LRFN1: variants seen among roughly 807,000 people sequenced by gnomAD.
LRFN1 encodes the protein leucine rich repeat and fibronectin type III domain containing 1.
LRFN1 carries 20 observed loss-of-function variants against 31.8 expected under a neutral mutation model. The ratio of observed to expected loss-of-function variants is 0.63; its 90% CI spans 0.44 to 0.91. The LOEUF is 0.91. Among genes scored for constraint, LRFN1 ranks in the 40% least tolerant of loss-of-function variants. The probability of loss-of-function intolerance (pLI) is 0.00; values close to 1 mark genes in which losing one functional copy is unlikely to be tolerated. For missense variants in LRFN1, 912 were observed against 1,129.8 expected (o/e 0.81, Z 2.76); for synonymous variants, 514 against 541.3 (o/e 0.95, Z 0.70).
In LRFN1 at chr19:39,314,423, G is replaced by A. The variant is rs760342542; in HGVS notation, c.914C>T (p.Ala305Val). 3.2e-5 allele frequency: 51 copies of A among 1,606,134 alleles called. No individual in the cohort carries two copies. The highest frequency in any genetic ancestry group is 4.1e-5 in the Non-Finnish European group (48 of 1,177,880). The change falls in exon 4 of 5, where the codon GCG (alanine) becomes GTG (valine). Residue 305 changes from alanine (A) to valine (V), a missense_variant. Around this residue, in one of 2 missense-constraint regions of LRFN1, gnomAD observed 401 missense variants for 572.7 expected, o/e 0.70. Coordinates refer to ENST00000248668, the MANE Select transcript of LRFN1 (RefSeq NM_020862.2). ...TTCCACCACCAGGGCCCGGCCCCCC[G>A]CCTGCCGTGTGATCAGCGGGGGCTC... ...LCEPPLITRQ[A>V]GGRALVVEGQ...
In LRFN1 at chr19:39,307,968, C is replaced by A; in HGVS notation, c.1981G>T (p.Glu661Ter). The A allele has an allele frequency of 1.3e-6, 2 of 1,580,302 alleles. No individual in the cohort carries two copies. Among genetic ancestry groups the A allele is most frequent in the South Asian group, 1.1e-5 (1 of 88,324 alleles). The change falls in exon 5 of 5, where the codon GAG becomes TAG. Residue 661 changes from glutamate to a stop codon, truncating the protein, a stop_gained. Transcript: ENST00000248668. LOFTEE classifies it high-confidence loss of function. The surrounding 1 kb of genome is among the most constrained non-coding windows in gnomAD (Gnocchi z 6.7). ...CLLPSEETSG[E>*]ESRAAVGPRR... ...GGGCCCACCGCGGCCCGAGACTCCT[C>A]CCCGGAAGTTTCCTCGGATGGCAGC... is the stretch of plus-strand genomic sequence containing the variant.
chr19:39,319,367 ACACT>A (rs2075181032), intron 1 of LRFN1, among the ~76,000 whole-genome samples: 2 of 152,192 alleles, frequency 1.3e-5, no homozygotes, highest in South Asian at 2.1e-4. Flanking sequence ...ATGCCTAGAC[ACACT>A]CATACTTCAC....
At chr19:39,313,449 T>C (rs2075157905) in intron 4 of LRFN1, among the ~76,000 whole-genome samples, 1 of 152,202 alleles carries the variant, frequency 6.6e-6, no homozygotes, top group Non-Finnish European at 1.5e-5. Flanking sequence ...GAGATTCGCT[T>C]GAACCCGGGA....
In LRFN1 at chr19:39,308,905, A is replaced by G. The variant is rs568449070; in HGVS notation, c.1407-363T>C. ...TCCCTAGCTATGTCTCACTCTTGCT[A>G]GGACAACTGCCATTCAAGGTCCTTC... On this transcript the variant is annotated intron_variant, in intron 4 of 4. Transcript: ENST00000248668. This position sits in a 1 kb window ranked among gnomAD's most constrained non-coding sequence, Gnocchi z 6.2. Among the ~76,000 whole-genome samples the G allele has an allele frequency of 7.2e-5, 11 of 152,308 alleles. No individual in the cohort carries two copies. The South Asian group carries it at 2.1e-3, about 29-fold the overall frequency.
chr19:39,317,552 TGGA>T (rs2075175746), intron 2 of LRFN1, among the ~76,000 whole-genome samples: 1 of 152,044 alleles, frequency 6.6e-6, no homozygotes, highest in Admixed American at 6.6e-5. Flanking sequence ...ATAATAGCAA[TGGA>T]AATAGCTAAC....
chr19:39,317,377 C>A (rs538582331), intron 2 of LRFN1, among the ~76,000 whole-genome samples: 45 of 152,204 alleles, frequency 3.0e-4, no homozygotes, highest in African/African-American at 1.0e-3. Flanking sequence ...CACTACTCTA[C>A]AATGTACTGG....
In LRFN1 at chr19:39,308,545, G is replaced by C. The variant is rs1348927614; in HGVS notation, c.1407-3C>G. On this transcript the variant is annotated splice_polypyrimidine_tract_variant and splice_region_variant and intron_variant, in intron 4 of 4. Transcript: ENST00000248668. The surrounding 1 kb of genome is among the most constrained non-coding windows in gnomAD (Gnocchi z 6.2). The stretch of plus-strand genomic sequence containing the variant: ...TCTGACTGGTGGACGGGATCATCCT[G>C]TAGGAGGGGGCGGGTTCAGGGCGGG... 6.5e-7 allele frequency: 1 copy of C among 1,538,776 alleles called. No individual in the cohort carries two copies. Among genetic ancestry groups the C allele is most frequent in the Non-Finnish European group, 8.8e-7 (1 of 1,137,650 alleles).
chr19:39,309,468 ACAAACAAACC>A (rs1568568199), intron 4 of LRFN1, among the ~76,000 whole-genome samples: 1 of 143,948 alleles, frequency 6.9e-6, no homozygotes, highest in African/African-American at 2.7e-5. Context: ...GTCTCAAAAA[ACAAACAAACC>A]AAAAAAAAAA....
At position 39,308,518 on chromosome 19, in the gene LRFN1, G is replaced by A. The variant is rs749110526; in HGVS notation, c.1431C>T (p.Thr477=). 1 of 1,596,342 alleles carries A rather than the reference G, an allele frequency of 6.3e-7. No homozygotes were observed. Among genetic ancestry groups the A allele is most frequent in the East Asian group, 2.2e-5 (1 of 44,844 alleles). Residue 477 remains threonine, a synonymous_variant, in exon 5 of 5, where the codon ACC becomes ACT. Transcript: ENST00000248668. The surrounding 1 kb of genome is among the most constrained non-coding windows in gnomAD (Gnocchi z 6.2). The stretch of plus-strand genomic sequence containing the variant: ...CCGCCGCCAGGTCATTCACCAGGAA[G>A]GTCTGACTGGTGGACGGGATCATCC... ...VYRMIPSTSQ[T]FLVNDLAAGR... is the part of the protein sequence containing the mutation.
At chr19:39,313,150 A>G (rs1444902334) in intron 4 of LRFN1, among the ~76,000 whole-genome samples, 1 of 152,204 alleles carries the variant, frequency 6.6e-6, no homozygotes, top group Non-Finnish European at 1.5e-5. Flanking sequence ...TGGAAATAAC[A>G]TATTTTTCTC....
Position 39,307,738 on chromosome 19 carries a change from C to T in LRFN1, c.2211G>A (p.Gly737=). The change falls in exon 5 of 5, where the codon GGG becomes GGA. Residue 737 remains glycine, a synonymous_variant. Coordinates refer to ENST00000248668, the MANE Select transcript of LRFN1 (RefSeq NM_020862.2). This position sits in a 1 kb window ranked among gnomAD's most constrained non-coding sequence, Gnocchi z 6.7. ...KRHRSTPHLD[G]AGGGAAGEDG... The stretch of plus-strand genomic sequence containing the variant: ...CCTCCCCGGCCGCGCCCCCTCCAGC[C>T]CCGTCCAGGTGCGGCGTGGACCGGT... 6.7e-7 allele frequency: 1 copy of T among 1,494,080 alleles called. No individual in the cohort carries two copies. The highest frequency in any genetic ancestry group is 2.5e-5 in the East Asian group (1 of 40,166). The allele number at this position is 1,494,080 out of a possible 1,614,324, so 92.6% of individuals were successfully genotyped here.
Position 39,307,390 on chromosome 19 carries a change from AG to A in LRFN1, c.*242del, listed in dbSNP as rs1179120048. The A allele has an allele frequency of 1.7e-5, 7 of 411,742 alleles. No individual in the cohort carries two copies. The highest frequency in any genetic ancestry group is 2.5e-5 in the Non-Finnish European group (6 of 236,078). 25.5% of individuals were successfully genotyped at this position (411,742 alleles called of 1,614,324 possible). A position where few individuals can be genotyped will look rare whatever the true frequency, so the allele number is the denominator to read the frequency against. On this transcript the variant is annotated 3_prime_UTR_variant, in exon 5 of 5. Transcript: ENST00000248668. The surrounding 1 kb of genome is among the most constrained non-coding windows in gnomAD (Gnocchi z 6.7). ...GCGAGCGCGCGAGGGGAGGGGTAGG[AG>A]GGGGGTCGAGGAGTCCATAGGGGAA...
rs751453455 is a variant in LRFN1, at chr19:39,307,792, G to T, written c.2157C>A (p.Tyr719Ter). 1 of 1,487,524 alleles carries T rather than the reference G, an allele frequency of 6.7e-7. No homozygotes were observed. Among genetic ancestry groups the T allele is most frequent in the Non-Finnish European group, 8.9e-7 (1 of 1,126,138 alleles). 92.1% of individuals were successfully genotyped at this position (1,487,524 alleles called of 1,614,324 possible). A position where few individuals can be genotyped will look rare whatever the true frequency, so the allele number is the denominator to read the frequency against. Residue 719 changes from tyrosine (Y) to a stop codon, truncating the protein, a stop_gained, in exon 5 of 5, where the codon TAC (tyrosine) becomes TAA (stop). Transcript: ENST00000248668. LOFTEE classifies it high-confidence loss of function. The surrounding 1 kb of genome is among the most constrained non-coding windows in gnomAD (Gnocchi z 6.7). The stretch of plus-strand genomic sequence containing the variant: ...GCTTTGTCCGCCGGGCGCGGCGCGG[G>T]TAACTGTGGCTCTGGAATAGTGCCC... ...DYGALFQSHS[Y>*]PRRARRTKRH...
rs760134431 is a variant in LRFN1 at position 39,315,055 on chromosome 19, G to T, written c.282C>A (p.Leu94=). ...GGCCGATGGTGTTCCGGGAGAGAGT[G>T]AGGTGCACCAGGCTGGTCATGTTGG... ...DFANMTSLVH[L]TLSRNTIGQV... The change falls in exon 4 of 5, where the codon CTC becomes CTA. Residue 94 remains leucine, a synonymous_variant. Coordinates refer to ENST00000248668, the MANE Select transcript of LRFN1 (RefSeq NM_020862.2). This position sits in a 1 kb window ranked among gnomAD's most constrained non-coding sequence, Gnocchi z 4.7. The T allele has an allele frequency of 6.3e-7, 1 of 1,595,946 alleles. No homozygotes were observed. Among genetic ancestry groups the T allele is most frequent in the African/African-American group, 1.3e-5 (1 of 74,962 alleles).
intron 4 of LRFN1, among the ~76,000 whole-genome samples, chr19:39,310,083 G>C (rs549859764): frequency 6.6e-6 from 1 of 151,992 alleles, no homozygotes; most frequent in Non-Finnish European, 1.5e-5. Context: ...TCAGCCTCCC[G>C]GACAGCTGAG....
At chr19:39,311,384 G>T (rs543385058) in intron 4 of LRFN1, among the ~76,000 whole-genome samples, 1 of 152,128 alleles carries the variant, frequency 6.6e-6, no homozygotes, top group East Asian at 1.9e-4. Flanking sequence ...GGGTCTGGGG[G>T]CTTGTGAACC....
Position 39,314,440 on chromosome 19 carries a change from C to T in LRFN1, c.897G>A (p.Pro299=). The change falls in exon 4 of 5, where the codon CCG becomes CCA. Residue 299 remains proline (P), a synonymous_variant. Transcript: ENST00000248668. ...GGCCCCCCGCCTGCCGTGTGATCAG[C>T]GGGGGCTCACACAGGAACTCCTCCT... ...IPEEEFLCEP[P]LITRQAGGRA... is the part of the protein sequence containing the mutation. 2 of 1,608,996 alleles carry T rather than the reference C, an allele frequency of 1.2e-6. No individual in the cohort carries two copies.
chr19:39,314,458 C>A lies in LRFN1; in HGVS notation c.879G>T (p.Glu293Asp). The A allele has an allele frequency of 6.2e-7, 1 of 1,610,176 alleles. No homozygotes were observed. Among genetic ancestry groups the A allele is most frequent in the Non-Finnish European group, 8.5e-7 (1 of 1,179,104 alleles). Residue 293 changes from glutamate (E) to aspartate (D), a missense_variant, in exon 4 of 5, where the codon GAG becomes GAT. By Grantham distance (45) the Glu-to-Asp change is conservative. Coordinates refer to ENST00000248668, the MANE Select transcript of LRFN1 (RefSeq NM_020862.2). ...TGATCAGCGGGGGCTCACACAGGAACTCCTCCTCGGGGATGGACCAGAAGT... is the reference window on the plus strand; with the variant it reads ...TGATCAGCGGGGGCTCACACAGGAAATCCTCCTCGGGGATGGACCAGAAGT... ...DRYFWSIPEEEFLCEPPLITR... is the reference protein window; with the variant it reads ...DRYFWSIPEEDFLCEPPLITR...
chr19:39,309,054 G>T (rs1024977157), intron 4 of LRFN1, among the ~76,000 whole-genome samples: 1 of 152,194 alleles, frequency 6.6e-6, no homozygotes, highest in Non-Finnish European at 1.5e-5. Context: ...ATTCCTACTG[G>T]AACAATGGAT....
Sources: allele counts gnomAD v4.1 joint callset (sites outside exome capture counted in the v4.1 genomes callset), GRCh38; gene constraint gnomAD v4.1.1; regional missense constraint gnomAD v4.1.1; non-coding constraint Gnocchi (gnomAD v3.1); transcripts MANE v1.5; gene names NCBI Gene and HGNC (gene_info 2026-07-23, HGNC 2026-07-21).